The following GRIN2B variants were observed in gnomAD, a reference collection of about 807,000 sequenced individuals.
GRIN2B encodes the protein glutamate receptor ionotropic, NMDA 2B.
In GRIN2B, 5 loss-of-function variants were observed where a neutral mutation model predicts 114.5. The observed-to-expected ratio is 0.04, with a 90% CI of 0.02 to 0.09. The LOEUF is 0.09. Among genes scored for constraint, GRIN2B ranks in the 10% least tolerant of loss-of-function variants. GRIN2B has a pLI of 1.00. For missense variants in GRIN2B, 1,108 were observed against 1,943.5 expected, an observed-to-expected ratio of 0.57 and a Z score of 8.08; for synonymous variants, 787 against 745.1, an observed-to-expected ratio of 1.06 and a Z score of -0.92.
At chr12:13,659,925 C>T (rs541132544) in intron 5 of GRIN2B, among the ~76,000 whole-genome samples, 4 of 152,178 alleles carry the variant, frequency 2.6e-5, no homozygotes, top group South Asian at 2.1e-4. Context: ...CAGTTTCTGT[C>T]GGTCAGCTTC....
At chr12:13,618,351 A>G (rs1949471486) in intron 5 of GRIN2B, among the ~76,000 whole-genome samples, 1 of 152,104 alleles carries the variant, frequency 6.6e-6, no homozygotes, top group African/African-American at 2.4e-5. Flanking sequence ...ACCTTCAATA[A>G]TGTGTAAAAA....
intron 2 of GRIN2B, among the ~76,000 whole-genome samples, chr12:13,915,678 A>T (rs1481383572): frequency 6.6e-6 from 1 of 152,182 alleles, no homozygotes; most frequent in Non-Finnish European, 1.5e-5. Context: ...ATTAATTTAC[A>T]GGTAAATAGC....
At chr12:13,910,623 T>G (rs1422074145) in intron 2 of GRIN2B, among the ~76,000 whole-genome samples, 3 of 152,186 alleles carry the variant, frequency 2.0e-5, no homozygotes, top group Non-Finnish European at 2.9e-5. Flanking sequence ...CCAATTCACA[T>G]TGCTCTAAGC....
chr12:13,914,239 C>G (rs779222366), intron 2 of GRIN2B, among the ~76,000 whole-genome samples: 3 of 152,094 alleles, frequency 2.0e-5, no homozygotes, highest in Non-Finnish European at 4.4e-5. Context: ...CCTCCCCACC[C>G]CTAAAGCCAA....
intron 5 of GRIN2B, among the ~76,000 whole-genome samples, chr12:13,674,457 C>G (rs187941719): frequency 5.1e-4 from 78 of 152,202 alleles, no homozygotes; most frequent in Middle Eastern, 6.8e-3. Flanking sequence ...GGTCTTTCAA[C>G]TTGAAGAATT....
At chr12:13,662,269 C>T (rs1234522831) in intron 5 of GRIN2B, among the ~76,000 whole-genome samples, 1 of 152,142 alleles carries the variant, frequency 6.6e-6, no homozygotes, top group Non-Finnish European at 1.5e-5. Flanking sequence ...CATATTTCTC[C>T]TGTGGCCTCA....
intron 3 of GRIN2B, among the ~76,000 whole-genome samples, chr12:13,820,643 CT>C (rs1447103758): frequency 1.3e-5 from 2 of 152,170 alleles, no homozygotes; most frequent in African/African-American, 4.8e-5. Context: ...TAGTACAATG[CT>C]TGGCCTACAT....
intron 4 of GRIN2B, among the ~76,000 whole-genome samples, chr12:13,734,367 A>G (rs1863145350): frequency 6.6e-6 from 1 of 152,214 alleles, no homozygotes; most frequent in Non-Finnish European, 1.5e-5. Context: ...CAGATATAAA[A>G]GGAATAAAGA....
chr12:13,974,024 T>C (rs1862975086), intron 2 of GRIN2B, among the ~76,000 whole-genome samples: 1 of 152,164 alleles, frequency 6.6e-6, no homozygotes. Context: ...AAAAAGCATT[T>C]TGTGAATCCC....
chr12:13,844,233 G>A (rs1865432047), intron 3 of GRIN2B, among the ~76,000 whole-genome samples: 1 of 152,156 alleles, frequency 6.6e-6, no homozygotes, highest in Admixed American at 6.5e-5. Context: ...GAATGGTTTT[G>A]CCTTTTGTTC....
intron 2 of GRIN2B, among the ~76,000 whole-genome samples, chr12:13,878,403 C>T (rs1008066105): frequency 3.3e-5 from 5 of 152,190 alleles, no homozygotes; most frequent in Non-Finnish European, 5.9e-5. Flanking sequence ...TTCGGGGCCA[C>T]GGGTGGTGGT....
chr12:13,651,988 G>A (rs543846644), intron 5 of GRIN2B, among the ~76,000 whole-genome samples: 1 of 152,082 alleles, frequency 6.6e-6, no homozygotes, highest in East Asian at 2.0e-4. Flanking sequence ...CTGTGTTCTA[G>A]GCTGCATCAT....
At chr12:13,733,970 G>C (rs531824939) in intron 4 of GRIN2B, among the ~76,000 whole-genome samples, 15 of 152,200 alleles carry the variant, frequency 9.9e-5, no homozygotes, top group Admixed American at 2.0e-4. Flanking sequence ...GACAAAGCTG[G>C]GAAAAGAACC....
chr12:13,665,322 G>A (rs560493534), intron 5 of GRIN2B, among the ~76,000 whole-genome samples: 1 of 151,762 alleles, frequency 6.6e-6, no homozygotes, highest in East Asian at 1.9e-4. Context: ...CACTGAAATA[G>A]CCAGTCACAG....
intron 10 of GRIN2B, among the ~76,000 whole-genome samples, chr12:13,587,489 G>A (rs2136435514): frequency 6.6e-6 from 1 of 151,904 alleles, no homozygotes; most frequent in Non-Finnish European, 1.5e-5. Flanking sequence ...CAAGTAGCTG[G>A]GACTACAGGT....
chr12:13,903,397 C>T (rs922423534), intron 2 of GRIN2B, among the ~76,000 whole-genome samples: 3 of 152,040 alleles, frequency 2.0e-5, no homozygotes, highest in African/African-American at 7.2e-5. Context: ...GTTTTATCTG[C>T]AACCTACATA....
At chr12:13,774,114 C>G (rs984119005) in intron 3 of GRIN2B, among the ~76,000 whole-genome samples, 1 of 152,126 alleles carries the variant, frequency 6.6e-6, no homozygotes, top group African/African-American at 2.4e-5. Context: ...CTAGAGAGAA[C>G]TTCAGAAGGG....
intron 2 of GRIN2B, among the ~76,000 whole-genome samples, chr12:13,929,444 C>A (rs1186416904): frequency 1.3e-5 from 2 of 152,180 alleles, no homozygotes; most frequent in Admixed American, 6.5e-5. Flanking sequence ...GTAATAATAA[C>A]CCTAACAACA....
At chr12:13,607,377 T>TATAAA (rs1565473779) in intron 10 of GRIN2B, among the ~76,000 whole-genome samples, 355 of 25,760 alleles carry the variant, frequency 0.014, 3 homozygotes, top group African/African-American at 0.023. Context: ...TTATATATTA[T>TATAAA]ATATATAATA....
Sources: allele counts gnomAD v4.1 joint callset (sites outside exome capture counted in the v4.1 genomes callset), GRCh38; gene constraint gnomAD v4.1.1; transcripts MANE v1.5; gene names NCBI Gene and HGNC (gene_info 2026-07-23, HGNC 2026-07-21).